Variants in LAMB4 observed in about 807,000 individuals in gnomAD.
The protein encoded by LAMB4 is laminin subunit beta 4.
LAMB4 carries 196 observed loss-of-function variants against 199.2 expected under a neutral mutation model. The observed-to-expected ratio is 0.98, with a 90% confidence interval of 0.88 to 1.11. The LOEUF is 1.11. Among genes scored for constraint, LAMB4 ranks in the 50% least tolerant of loss-of-function variants. The probability of loss-of-function intolerance (pLI) is 0.00; values close to 1 mark genes in which losing one functional copy is unlikely to be tolerated. For synonymous variants in LAMB4, 744 were observed against 770.6 expected (o/e 0.97, Z 0.57); for missense variants, 2,080 against 2,171.2 (o/e 0.96, Z 0.83).
chr7:108,017,909 C>G, the LAMB4 span, among the ~76,000 whole-genome samples: 1 of 152,212 alleles, frequency 6.6e-6, no homozygotes, highest in Non-Finnish European at 1.5e-5. Context: ...TAGCATTTTA[C>G]AGCTAAAGGA....
intron 1 of LAMB4, among the ~76,000 whole-genome samples, chr7:108,129,619 C>T (rs1422206732): frequency 6.6e-6 from 1 of 151,608 alleles, no homozygotes; most frequent in Non-Finnish European, 1.5e-5. Flanking sequence ...TTCACTGCAA[C>T]CTCAACCTCC....
chr7:108,128,161 T>G (rs1302033084), intron 1 of LAMB4, among the ~76,000 whole-genome samples: 1 of 152,138 alleles, frequency 6.6e-6, no homozygotes, highest in Non-Finnish European at 1.5e-5. Flanking sequence ...AAATGCTGTA[T>G]GAACTGCATG....
rs190681227 is a variant in LAMB4, at chr7:108,095,090, T to C, written c.1470+138A>G. 7.0e-5 allele frequency: 44 copies of C among 630,090 alleles called. No homozygotes were observed. The East Asian group carries it at 1.2e-3, about 17-fold the overall frequency. 39.0% of individuals were successfully genotyped at this position (630,090 alleles called of 1,614,324 possible). ...GATAGGTAGTGTTTGCTGATTTCTG[T>C]AGTGTAAATACTCATACCACTGGAG... On this transcript the variant is annotated intron_variant, in intron 12 of 33. Coordinates refer to ENST00000388781, the MANE Select transcript of LAMB4 (RefSeq NM_007356.3).
intron 28 of LAMB4, among the ~76,000 whole-genome samples, chr7:108,044,955 CAAA>C (rs756256335): frequency 1.8e-5 from 1 of 56,572 alleles, no homozygotes; most frequent in Non-Finnish European, 3.3e-5. Flanking sequence ...ATTCTTGTCT[CAAA>C]AAAAAAAAAA....
At chr7:108,104,674 G>A in intron 8 of LAMB4, 55 bp from the exon 9 acceptor site, 1 of 1,583,768 alleles carries the variant, frequency 6.3e-7, no homozygotes, top group Non-Finnish European at 8.6e-7. Context: ...GGGGACGTTG[G>A]GGTTCTTTAA....
chr7:108,044,030 G>T, intron 28 of LAMB4, 134 bp from the exon 29 acceptor site: 1 of 641,594 alleles, frequency 1.6e-6, no homozygotes, highest in Non-Finnish European at 2.5e-6. Flanking sequence ...ATAAACCATA[G>T]ATTCATTTGC....
intron 15 of LAMB4, 148 bp from the exon 16 acceptor site, chr7:108,078,464 T>C: frequency 1.7e-6 from 1 of 589,172 alleles, no homozygotes; most frequent in Non-Finnish European, 3.0e-6. Context: ...GAAAGAGTCT[T>C]AGAGGTTCAC....
At position 108,055,852 on chromosome 7, in the gene LAMB4, A is replaced by T. The variant is rs745442881; in HGVS notation, c.3535T>A (p.Phe1179Ile). ...GAAATGGTGTGGTCCCACTGATCAA[A>T]GCACAAGTGACATTGAAGACAAGTA... is the stretch of plus-strand genomic sequence containing the variant. Reference protein sequence around the residue: ...FPTCLQCHLCFDQWDHTISSL... With the variant: ...FPTCLQCHLCIDQWDHTISSL... Residue 1179 changes from phenylalanine to isoleucine, a missense_variant, in exon 25 of 34, where the codon TTT becomes ATT. Physicochemically the swap from Phe to Ile is conservative, Grantham distance 21 (BLOSUM62 0). Coordinates refer to ENST00000388781, the MANE Select transcript of LAMB4 (RefSeq NM_007356.3). 7 of 1,614,062 alleles carry T rather than the reference A, an allele frequency of 4.3e-6. No homozygotes were observed. The highest frequency in any genetic ancestry group is 5.1e-6 in the Non-Finnish European group (6 of 1,180,034).
intron 1 of LAMB4, among the ~76,000 whole-genome samples, chr7:108,123,640 G>A (rs781464619): frequency 5.6e-4 from 86 of 152,228 alleles, no homozygotes; most frequent in Middle Eastern, 3.4e-3. Flanking sequence ...GCACTCCAGC[G>A]TGGGCAACAG....
At chr7:108,128,358 C>T (rs2038867827) in intron 1 of LAMB4, among the ~76,000 whole-genome samples, 1 of 152,122 alleles carries the variant, frequency 6.6e-6, no homozygotes, top group Non-Finnish European at 1.5e-5. Context: ...ACGCTACTGG[C>T]ATTGAGTGTG....
intron 2 of LAMB4, among the ~76,000 whole-genome samples, chr7:108,117,537 T>C (rs1310312513): frequency 1.3e-5 from 2 of 152,256 alleles, no homozygotes; most frequent in African/African-American, 4.8e-5. Flanking sequence ...CTACTGTATT[T>C]TGTGGGTAGC....
At chr7:108,064,448 G>A (rs1009067667) in intron 21 of LAMB4, among the ~76,000 whole-genome samples, 6 of 152,222 alleles carry the variant, frequency 3.9e-5, no homozygotes, top group African/African-American at 1.4e-4. Context: ...GTGAAGATGA[G>A]CAAGAGCAGT....
At position 108,042,701 on chromosome 7, in the gene LAMB4, C is replaced by T. The variant is rs142773374; in HGVS notation, c.4471+1051G>A. Among the ~76,000 whole-genome samples the T allele has an allele frequency of 2.5e-4, 38 of 152,074 alleles. No homozygotes were observed. The East Asian group carries it at 2.5e-3, about 10-fold the overall frequency. ...AAACAACAGCTAGAAACTGCCAATT[C>T]AATTTCTAGAAATATTGAGACAGGA... On this transcript the variant is annotated intron_variant, in intron 29 of 33. Coordinates refer to ENST00000388781, the MANE Select transcript of LAMB4 (RefSeq NM_007356.3).
At chr7:108,060,031 C>T (rs1205783096) in intron 23 of LAMB4, among the ~76,000 whole-genome samples, 1 of 152,176 alleles carries the variant, frequency 6.6e-6, no homozygotes, top group Non-Finnish European at 1.5e-5. Context: ...GTACCAGGAA[C>T]CACCTCTTGG....
chr7:108,077,675 CAG>C (rs1457783514), intron 16 of LAMB4, among the ~76,000 whole-genome samples: 15 of 151,988 alleles, frequency 9.9e-5, no homozygotes. Context: ...GCCTGGGCAA[CAG>C]GGCGAGACTC....
chr7:108,068,835 A>T (rs1349064057), intron 18 of LAMB4, among the ~76,000 whole-genome samples: 2 of 152,044 alleles, frequency 1.3e-5, no homozygotes, highest in Non-Finnish European at 2.9e-5. Context: ...CTGGGATTAC[A>T]GTCACGTGCC....
At chr7:108,039,339 A>G (rs981428346) in intron 29 of LAMB4, among the ~76,000 whole-genome samples, 2 of 152,156 alleles carry the variant, frequency 1.3e-5, no homozygotes, top group East Asian at 3.9e-4. Context: ...ATTTTTCTTA[A>G]TATAAATGAA....
At chr7:108,068,266 T>TGAG in intron 18 of LAMB4, 107 bp from the exon 19 acceptor site, 1 of 1,071,756 alleles carries the variant, frequency 9.3e-7, no homozygotes, top group Non-Finnish European at 1.4e-6. Flanking sequence ...ACCTCTTTAA[T>TGAG]ACTCAACTCC....
chr7:108,042,154 G>T (rs1050582318), intron 29 of LAMB4, among the ~76,000 whole-genome samples: 2 of 152,064 alleles, frequency 1.3e-5, no homozygotes, highest in African/African-American at 4.8e-5. Context: ...GAAGCAAGAG[G>T]TCGGTGGAGG....
Sources: allele counts gnomAD v4.1 joint callset (sites outside exome capture counted in the v4.1 genomes callset), GRCh38; gene constraint gnomAD v4.1.1; transcripts MANE v1.5; gene names NCBI Gene and HGNC (gene_info 2026-07-23, HGNC 2026-07-21).